LRBA: variants seen among roughly 807,000 people sequenced by gnomAD.
The protein encoded by LRBA is LPS responsive beige-like anchor protein, also known as lipopolysaccharide-responsive and beige-like anchor protein.
A neutral mutation model predicts 330.0 loss-of-function variants in LRBA; 176 were observed. That is an observed-to-expected ratio of 0.53 (90% CI 0.47 to 0.60). The LOEUF (loss-of-function observed/expected upper bound fraction) is 0.60. Among genes scored for constraint, LRBA ranks in the 20% least tolerant of loss-of-function variants. The pLI is 0.00. For synonymous variants in LRBA, 1,230 were observed against 1,193.0 expected, an observed-to-expected ratio of 1.03 and a Z score of -0.64; for missense variants, 3,259 against 3,444.8, an observed-to-expected ratio of 0.95 and a Z score of 1.35.
chr4:150,444,657 A>G (rs1263843800), intron 44 of LRBA, among the ~76,000 whole-genome samples: 1 of 152,214 alleles, frequency 6.6e-6, no homozygotes, highest in Non-Finnish European at 1.5e-5. Context: ...GTTAACAAAT[A>G]AGCACTTTTG....
chr4:150,402,698 TG>T (rs1265835771), intron 47 of LRBA, among the ~76,000 whole-genome samples: 8 of 152,112 alleles, frequency 5.3e-5, no homozygotes, highest in Admixed American at 1.3e-4. Flanking sequence ...AACTATTCAT[TG>T]TTTCCTAGCA....
In LRBA at chr4:150,871,438, G is replaced by T; in HGVS notation, c.2274C>A (p.Val758=). 2 of 1,607,184 alleles carry T rather than the reference G, an allele frequency of 1.2e-6. No homozygotes were observed. Among genetic ancestry groups the T allele is most frequent in the South Asian group, 1.1e-5 (1 of 90,672 alleles). ...KHLAPKRKAE[V]MLGHGLFSLL... is the part of the protein sequence containing the mutation. Reference sequence around the variant, plus strand: ...ATGAAAACAATCCATGTCCAAGCATGACTTCTGCTTTCCTCCTGCAATTAC... The same window carrying T: ...ATGAAAACAATCCATGTCCAAGCATTACTTCTGCTTTCCTCCTGCAATTAC... Residue 758 remains valine (V), a synonymous_variant, in exon 19 of 57, where the codon GTC becomes GTA. Transcript: ENST00000651943.
chr4:150,756,799 T>A (rs1436443908), intron 35 of LRBA, among the ~76,000 whole-genome samples: 1 of 152,164 alleles, frequency 6.6e-6, no homozygotes, highest in Admixed American at 6.5e-5. Context: ...TGCTACAGCA[T>A]CACAGAGACT....
intron 40 of LRBA, among the ~76,000 whole-genome samples, chr4:150,561,894 T>A (rs1217996952): frequency 6.6e-6 from 1 of 152,182 alleles, no homozygotes; most frequent in Non-Finnish European, 1.5e-5. Flanking sequence ...TACCAATCCC[T>A]ACCTCCAAGC....
At chr4:150,783,536 A>T (rs938533161) in intron 34 of LRBA, among the ~76,000 whole-genome samples, 2 of 152,248 alleles carry the variant, frequency 1.3e-5, no homozygotes, top group African/African-American at 4.8e-5. Context: ...GGCAGTACTG[A>T]TGTTTCAATT....
chr4:150,689,841 C>T (rs1057361794), intron 36 of LRBA, among the ~76,000 whole-genome samples: 26 of 152,108 alleles, frequency 1.7e-4, no homozygotes, highest in Non-Finnish European at 2.9e-5. Context: ...GGGAGGATGG[C>T]TTGAGCCCTG....
chr4:150,655,493 A>T (rs1420492473), intron 37 of LRBA, among the ~76,000 whole-genome samples: 1 of 152,214 alleles, frequency 6.6e-6, no homozygotes, highest in Non-Finnish European at 1.5e-5. Flanking sequence ...TGGGTGAAGG[A>T]ATAAATAAGT....
intron 35 of LRBA, among the ~76,000 whole-genome samples, chr4:150,758,697 C>T (rs940583674): frequency 2.6e-5 from 4 of 151,448 alleles, no homozygotes; most frequent in Non-Finnish European, 4.4e-5. Flanking sequence ...CCTCACCCTC[C>T]CATGTAGCTG....
chr4:150,457,709 A>C (rs527573875), intron 44 of LRBA, among the ~76,000 whole-genome samples: 4 of 151,936 alleles, frequency 2.6e-5, no homozygotes, highest in Non-Finnish European at 5.9e-5. Flanking sequence ...CTACTAATTA[A>C]ACTTAAAAAA....
intron 35 of LRBA, among the ~76,000 whole-genome samples, chr4:150,753,197 A>G (rs1314603914): frequency 6.6e-6 from 1 of 152,158 alleles, no homozygotes; most frequent in Admixed American, 6.5e-5. Context: ...TAACTTTCTC[A>G]TATCACTTAT....
chr4:150,610,199 T>C (rs954830125), intron 37 of LRBA, among the ~76,000 whole-genome samples: 1 of 152,038 alleles, frequency 6.6e-6, no homozygotes, highest in African/African-American at 2.4e-5. Flanking sequence ...TCCAGCTGAG[T>C]TTGGAAACCA....
intron 34 of LRBA, among the ~76,000 whole-genome samples, chr4:150,779,591 A>T (rs1407939761): frequency 6.6e-6 from 1 of 152,074 alleles, no homozygotes; most frequent in Non-Finnish European, 1.5e-5. Flanking sequence ...GATTGCTTCC[A>T]TTTTAACTTT....
chr4:150,926,984 T>C (rs1733945380), intron 4 of LRBA, among the ~76,000 whole-genome samples: 1 of 151,524 alleles, frequency 6.6e-6, no homozygotes, highest in African/African-American at 2.4e-5. Flanking sequence ...GGTAGGAGAA[T>C]TGCTTGAACC....
rs567974249 is a variant in LRBA at position 150,872,802 on chromosome 4, A to C, written c.2166-47T>G. The stretch of plus-strand genomic sequence containing the variant: ...ACAAACTATTTTGAGTATAATTTTT[A>C]AATGGAAAGGTTTAAAATATATACT... On this transcript the variant is annotated intron_variant, in intron 17 of 56. Coordinates refer to ENST00000651943, the MANE Select transcript of LRBA (RefSeq NM_001364905.1). 2.2e-4 allele frequency: 204 copies of C among 946,284 alleles called. 3 individuals are homozygous for C. In the South Asian group the frequency reaches 3.0e-3, roughly 14 times the overall value. 58.6% of individuals were successfully genotyped at this position (946,284 alleles called of 1,614,324 possible). A position where few individuals can be genotyped will look rare whatever the true frequency, so the allele number is the denominator to read the frequency against.
At chr4:151,005,236 G>T (rs1003535814) in intron 2 of LRBA, among the ~76,000 whole-genome samples, 3 of 151,768 alleles carry the variant, frequency 2.0e-5, no homozygotes, top group African/African-American at 7.3e-5. Context: ...ATGAGGTCAA[G>T]AGTTCAAGAC....
intron 44 of LRBA, among the ~76,000 whole-genome samples, chr4:150,460,859 T>C (rs893724205): frequency 3.3e-5 from 5 of 151,900 alleles, no homozygotes; most frequent in Admixed American, 2.0e-4. Flanking sequence ...TGCTTTATCT[T>C]GGCCATTCCT....
At chr4:150,307,565 T>TAAA (rs113281423) in intron 52 of LRBA, among the ~76,000 whole-genome samples, 1 of 139,282 alleles carries the variant, frequency 7.2e-6, no homozygotes, top group African/African-American at 2.6e-5. Flanking sequence ...TATAAAAATT[T>TAAA]AAAAAAAAAA....
intron 9 of LRBA, among the ~76,000 whole-genome samples, chr4:150,912,529 T>C (rs745464195): frequency 1.2e-4 from 19 of 152,236 alleles, no homozygotes; most frequent in Non-Finnish European, 2.2e-4. Flanking sequence ...TATTTCATTA[T>C]ATATTACAAT....
chr4:150,786,561 G>C (rs1345302978), intron 34 of LRBA, among the ~76,000 whole-genome samples: 1 of 151,908 alleles, frequency 6.6e-6, no homozygotes, highest in African/African-American at 2.4e-5. Flanking sequence ...TTGTATTTCT[G>C]ATGACCAGAT....
Sources: gnomAD v4.1 joint callset for allele counts (sites outside exome capture counted in the v4.1 genomes callset) on GRCh38, gnomAD v4.1.1 for gene constraint, MANE v1.5 for transcripts, NCBI Gene and HGNC (gene_info 2026-07-23, HGNC 2026-07-21) for gene names.